ZC3H12B: variants seen among roughly 807,000 people sequenced by gnomAD.
The protein encoded by ZC3H12B is probable ribonuclease ZC3H12B.
ZC3H12B carries 7 observed loss-of-function variants against 43.9 expected under a neutral mutation model. The observed-to-expected ratio is 0.16, with a 90% CI of 0.09 to 0.30. The LOEUF (loss-of-function observed/expected upper bound fraction) is 0.30. Ranked by LOEUF, ZC3H12B falls within the 10% of genes least tolerant of loss-of-function variation. ZC3H12B has a pLI of 1.00. For missense variants in ZC3H12B, 475 were observed against 670.2 expected, an observed-to-expected ratio of 0.71 and a Z score of 3.22; for synonymous variants, 222 against 241.7, an observed-to-expected ratio of 0.92 and a Z score of 0.76.
chrX:65,080,231 A>G, the ZC3H12B span, among the ~76,000 whole-genome samples: 106 of 108,265 alleles, frequency 9.8e-4, no homozygotes, highest in African/African-American at 3.6e-3. Context: ...GATCTAGAAA[A>G]TATCCTCAGA....
chrX:65,333,529 G>A, the ZC3H12B span, among the ~76,000 whole-genome samples: 6 of 111,880 alleles, frequency 5.4e-5, no homozygotes, highest in African/African-American at 9.7e-5. Flanking sequence ...CAAAGGATCA[G>A]CAATGTTTTA....
the ZC3H12B span, among the ~76,000 whole-genome samples, chrX:65,066,302 C>G: frequency 6.3e-5 from 7 of 111,434 alleles, no homozygotes; most frequent in African/African-American, 2.0e-4. Flanking sequence ...ATCTTTGATG[C>G]TGATGACCTT....
At chrX:65,412,403 C>A (rs7882201) in intron 3 of ZC3H12B, among the ~76,000 whole-genome samples, 4,179 of 111,543 alleles carry the variant, frequency 0.037, 183 homozygotes, top group African/African-American at 0.13. Context: ...GAATATTTTG[C>A]CTATTGTGAA....
chrX:65,342,839 A>G, the ZC3H12B span, among the ~76,000 whole-genome samples: 1 of 101,914 alleles, frequency 9.8e-6, no homozygotes, highest in Admixed American at 1.1e-4. Flanking sequence ...GACTGAGACA[A>G]AAAAAAAAAA....
the ZC3H12B span, among the ~76,000 whole-genome samples, chrX:65,076,986 C>T: frequency 5.4e-5 from 6 of 111,230 alleles, no homozygotes; most frequent in Admixed American, 2.9e-4. Context: ...AATGATTTTC[C>T]ATTTTATCGT....
chrX:65,388,585 G>C (rs2066564938), intron 2 of ZC3H12B, among the ~76,000 whole-genome samples: 1 of 111,204 alleles, frequency 9.0e-6, no homozygotes, highest in African/African-American at 3.3e-5. Flanking sequence ...CCATGGGTTT[G>C]AACTTCCTCC....
chrX:65,297,984 A>G, the ZC3H12B span, among the ~76,000 whole-genome samples: 1 of 112,179 alleles, frequency 8.9e-6, no homozygotes, highest in Non-Finnish European at 1.9e-5. Flanking sequence ...CTCACCTTAT[A>G]TAAAAATCAA....
the ZC3H12B span, among the ~76,000 whole-genome samples, chrX:65,139,584 A>T: frequency 3.7e-5 from 4 of 107,073 alleles, no homozygotes; most frequent in Non-Finnish European, 5.7e-5. Flanking sequence ...GTGGTCCCTT[A>T]TGGATTTTAG....
chrX:65,088,327 A>G, the ZC3H12B span, among the ~76,000 whole-genome samples: 2 of 111,027 alleles, frequency 1.8e-5, no homozygotes, highest in African/African-American at 3.3e-5. Flanking sequence ...ACTTTCCACC[A>G]TCGTTGCAAT....
chrX:65,080,202 CAATG>C, the ZC3H12B span, among the ~76,000 whole-genome samples: 6 of 93,260 alleles, frequency 6.4e-5, no homozygotes, highest in African/African-American at 1.2e-4. Flanking sequence ...AAAAAAAAAA[CAATG>C]AAGCACACCT....
At chrX:65,316,339 C>G in the ZC3H12B span, among the ~76,000 whole-genome samples, 25 of 111,413 alleles carry the variant, frequency 2.2e-4, no homozygotes, top group South Asian at 9.3e-3. Flanking sequence ...CTGTGAGGTA[C>G]TATAAAATAG....
chrX:65,222,771 T>C, the ZC3H12B span, among the ~76,000 whole-genome samples: 17 of 110,567 alleles, frequency 1.5e-4, no homozygotes, highest in Admixed American at 2.9e-4. Flanking sequence ...TGCTCATGGA[T>C]GGCTAGAATC....
At chrX:65,381,196 C>G (rs79476948) in intron 2 of ZC3H12B, among the ~76,000 whole-genome samples, 1 of 110,832 alleles carries the variant, frequency 9.0e-6, no homozygotes, top group East Asian at 2.8e-4. Context: ...TGACCGCATA[C>G]GTGGAAGTAA....
At chrX:65,215,128 C>A in the ZC3H12B span, among the ~76,000 whole-genome samples, 1 of 111,882 alleles carries the variant, frequency 8.9e-6, no homozygotes, top group African/African-American at 3.2e-5. Context: ...ATTTACAAAG[C>A]ACATGTGGAG....
At chrX:65,130,729 C>T in the ZC3H12B span, among the ~76,000 whole-genome samples, 1 of 111,897 alleles carries the variant, frequency 8.9e-6, no homozygotes, top group Non-Finnish European at 1.9e-5. Context: ...AGATATTTTC[C>T]TTGGTCCAAG....
the ZC3H12B span, among the ~76,000 whole-genome samples, chrX:65,255,269 T>C: frequency 9.0e-6 from 1 of 110,974 alleles, no homozygotes; most frequent in African/African-American, 3.3e-5. Flanking sequence ...TTCTCCCAGG[T>C]CAAATTGAAA....
the ZC3H12B span, among the ~76,000 whole-genome samples, chrX:65,346,910 T>C: frequency 8.9e-6 from 1 of 112,492 alleles, no homozygotes; most frequent in Non-Finnish European, 1.9e-5. Flanking sequence ...CTGATGACTC[T>C]GAAGAGAGCA....
At chrX:65,423,167 G>A (rs766518099) in intron 3 of ZC3H12B, among the ~76,000 whole-genome samples, 113 of 110,454 alleles carry the variant, frequency 1.0e-3, no homozygotes, top group Non-Finnish European at 1.8e-3. Flanking sequence ...TCCTGACCTT[G>A]TGATCCGCAT....
At chrX:65,365,551 A>T (rs2066162944), upstream of ZC3H12B, among the ~76,000 whole-genome samples, 1 of 110,829 alleles carries the variant, frequency 9.0e-6, no homozygotes, top group South Asian at 3.9e-4. Flanking sequence ...CTCAAAGTAG[A>T]CCTGAAAAAT....
Sources: gnomAD v4.1 joint callset for allele counts (sites outside exome capture counted in the v4.1 genomes callset) on GRCh38, gnomAD v4.1.1 for gene constraint, MANE v1.5 for transcripts, NCBI Gene and HGNC (gene_info 2026-07-23, HGNC 2026-07-21) for gene names.